CDH18: variants seen among roughly 807,000 people sequenced by gnomAD.
The protein encoded by CDH18 is cadherin-18.
A neutral mutation model predicts 67.9 loss-of-function variants in CDH18; 31 were observed. The ratio of observed to expected loss-of-function variants is 0.46; its 90% CI spans 0.34 to 0.62. The LOEUF is 0.62. CDH18 is among the 20% of genes least tolerant of loss of function. The pLI, the probability that CDH18 is intolerant of heterozygous loss-of-function variation, is 0.01. For missense variants in CDH18, 890 were observed against 975.5 expected (o/e 0.91, Z 1.17); for synonymous variants, 362 against 347.2 (o/e 1.04, Z -0.48).
intron 1 of CDH18, among the ~76,000 whole-genome samples, chr5:20,494,957 C>T (rs1753821113): frequency 6.6e-6 from 1 of 152,112 alleles, no homozygotes. Flanking sequence ...GACAGTGAAT[C>T]CCAGCAACTT....
chr5:19,817,760 T>G (rs13186961), intron 3 of CDH18, among the ~76,000 whole-genome samples: 65,117 of 151,808 alleles, frequency 0.43, 14,517 homozygotes, highest in Middle Eastern at 0.59. Context: ...GTATGATATA[T>G]TTTTTTGAGG....
At chr5:20,363,447 G>A (rs1030904061) in intron 1 of CDH18, among the ~76,000 whole-genome samples, 1 of 123,332 alleles carries the variant, frequency 8.1e-6, no homozygotes, top group African/African-American at 3.2e-5. Flanking sequence ...ACTGCACCCA[G>A]CCTGGGCAAC....
intron 1 of CDH18, among the ~76,000 whole-genome samples, chr5:20,547,515 C>T (rs1224517493): frequency 1.3e-5 from 2 of 150,520 alleles, no homozygotes; most frequent in African/African-American, 4.9e-5. Flanking sequence ...GAGTCGAGAT[C>T]GCACCATTGC....
At chr5:19,537,877 T>C (rs903102004) in intron 9 of CDH18, among the ~76,000 whole-genome samples, 1 of 152,144 alleles carries the variant, frequency 6.6e-6, no homozygotes, top group Admixed American at 6.6e-5. Context: ...TGAAAGATAC[T>C]TTAAGATAAA....
In CDH18 at chr5:19,633,074, C is replaced by T. The variant is rs1450168267; in HGVS notation, c.644-20473G>A. ...TCAGCGTGCTTATTTAGTCCCTTGT[C>T]GTATTCAGAGAAAATGTTTGAAAAT... On this transcript the variant is annotated intron_variant, in intron 5 of 12. Transcript: ENST00000382275. Among the ~76,000 whole-genome samples, 4 of 152,084 alleles carry T rather than the reference C, an allele frequency of 2.6e-5. No individual in the cohort carries two copies. In the East Asian group the frequency reaches 5.8e-4, roughly 22 times the overall value.
At chr5:19,889,994 A>ACT in intron 2 of CDH18, among the ~76,000 whole-genome samples, 1 of 152,304 alleles carries the variant, frequency 6.6e-6, no homozygotes, top group Admixed American at 6.5e-5. Context: ...AAGATGAATT[A>ACT]CTGTATTTGT....
intron 2 of CDH18, among the ~76,000 whole-genome samples, chr5:20,171,475 A>T (rs1554098545): frequency 2.0e-5 from 3 of 149,282 alleles, no homozygotes; most frequent in Non-Finnish European, 3.0e-5. Flanking sequence ...TGACATTGAG[A>T]TTTTTTTTTT....
At chr5:19,632,196 C>T (rs2150184531) in intron 5 of CDH18, among the ~76,000 whole-genome samples, 1 of 152,228 alleles carries the variant, frequency 6.6e-6, no homozygotes, top group East Asian at 1.9e-4. Context: ...CAGAAATGGA[C>T]ATATTTTCTC....
chr5:19,881,219 C>T (rs1787603540), intron 2 of CDH18, among the ~76,000 whole-genome samples: 1 of 152,080 alleles, frequency 6.6e-6, no homozygotes, highest in Admixed American at 6.6e-5. Flanking sequence ...CCTTTCAATG[C>T]CTTGTTTTAA....
At chr5:19,802,400 T>C (rs1035867653) in intron 3 of CDH18, among the ~76,000 whole-genome samples, 1 of 152,114 alleles carries the variant, frequency 6.6e-6, no homozygotes, top group African/African-American at 2.4e-5. Context: ...TGGTGGACAC[T>C]GGAGTAAGTT....
intron 5 of CDH18, among the ~76,000 whole-genome samples, chr5:19,616,622 C>T (rs1204170797): frequency 2.6e-5 from 4 of 152,108 alleles, no homozygotes; most frequent in Admixed American, 2.6e-4. Context: ...GATCAAATTG[C>T]TCATATTTCA....
chr5:20,403,387 G>A (rs996430058), intron 1 of CDH18, among the ~76,000 whole-genome samples: 15 of 152,056 alleles, frequency 9.9e-5, no homozygotes, highest in Non-Finnish European at 1.6e-4. Flanking sequence ...CACCCAGATC[G>A]TGAGCACAGT....
At chr5:19,618,538 T>G (rs1750198034) in intron 5 of CDH18, among the ~76,000 whole-genome samples, 1 of 152,062 alleles carries the variant, frequency 6.6e-6, no homozygotes, top group Non-Finnish European at 1.5e-5. Context: ...TTTGTTCAGT[T>G]TTTCATTTAT....
rs139801417 is a variant in CDH18, at chr5:20,103,569, CA to C, written c.-517-111556del. 8.1e-3 allele frequency among the ~76,000 whole-genome samples: 825 copies of C among 102,096 alleles called. 7 individuals are homozygous for C. The highest frequency in any genetic ancestry group is 0.036 in the East Asian group (129 of 3,560). The allele number at this position is 102,096 out of a possible 152,430, so 67.0% of individuals were successfully genotyped here. A position where few individuals can be genotyped will look rare whatever the true frequency, so the allele number is the denominator to read the frequency against. ...TGAAACCCTGTCTCTACTAAAAATA[CA>C]AAAAAAAAAAAAAAAAGCTGGGAGT... On this transcript the variant is annotated intron_variant, in intron 2 of 14. Transcript: ENST00000507958.
At chr5:20,352,387 A>G (rs1445123365) in intron 1 of CDH18, among the ~76,000 whole-genome samples, 2 of 151,952 alleles carry the variant, frequency 1.3e-5, no homozygotes, top group African/African-American at 4.8e-5. Flanking sequence ...AAAATTATAC[A>G]TAGATTTTTG....
At chr5:20,210,222 A>C (rs769899845) in intron 2 of CDH18, among the ~76,000 whole-genome samples, 1 of 151,806 alleles carries the variant, frequency 6.6e-6, no homozygotes, top group African/African-American at 2.4e-5. Context: ...CTGAGTTTTA[A>C]ATTTATCAAT....
At chr5:19,608,950 G>A (rs146862488) in intron 6 of CDH18, among the ~76,000 whole-genome samples, 2 of 151,824 alleles carry the variant, frequency 1.3e-5, no homozygotes, top group Admixed American at 6.6e-5. Flanking sequence ...CTTCCATTTA[G>A]GATATAGAAG....
intron 11 of CDH18, among the ~76,000 whole-genome samples, chr5:19,489,753 C>T (rs1741083937): frequency 1.3e-5 from 2 of 152,044 alleles, no homozygotes; most frequent in African/African-American, 2.4e-5. Context: ...GACTGTATTT[C>T]GGGCTTTACA....
intron 2 of CDH18, among the ~76,000 whole-genome samples, chr5:20,134,111 A>C (rs972333790): frequency 3.9e-5 from 6 of 152,108 alleles, no homozygotes; most frequent in Non-Finnish European, 8.8e-5. Flanking sequence ...CTGGGATCAC[A>C]GGACTGTGTC....
Sources: gnomAD v4.1 joint callset for allele counts (sites outside exome capture counted in the v4.1 genomes callset) on GRCh38, gnomAD v4.1.1 for gene constraint, MANE v1.5 for transcripts, NCBI Gene and HGNC (gene_info 2026-07-23, HGNC 2026-07-21) for gene names.